Variants in SH3D19 observed in about 807,000 individuals in gnomAD.
SH3D19 encodes SH3 domain-containing protein 19.
Under a neutral mutation model 112.1 loss-of-function variants are expected in SH3D19, and 58 were observed. The ratio of observed to expected loss-of-function variants is 0.52; its 90% CI spans 0.42 to 0.64. SH3D19 has a LOEUF of 0.64. Ranked by LOEUF, SH3D19 falls within the 30% of genes least tolerant of loss-of-function variation. The pLI is 0.00. For synonymous variants in SH3D19, 391 were observed against 448.5 expected (o/e 0.87, Z 1.62); for missense variants, 1,090 against 1,263.4 (o/e 0.86, Z 2.08).
intron 1 of SH3D19, among the ~76,000 whole-genome samples, chr4:151,243,803 T>G (rs1770732381): frequency 6.6e-6 from 1 of 152,186 alleles, no homozygotes; most frequent in African/African-American, 2.4e-5. Flanking sequence ...AAATTGCTAT[T>G]CTTGGATATA....
Position 151,174,773 on chromosome 4 carries a change from G to C in SH3D19, c.1431C>G (p.Ser477Arg). 6.5e-7 allele frequency: 1 copy of C among 1,544,220 alleles called. No homozygotes were observed. The highest frequency in any genetic ancestry group is 8.7e-7 in the Non-Finnish European group (1 of 1,149,336). Residue 477 changes from serine (S) to arginine (R), a missense_variant, in exon 7 of 20, where the codon AGC becomes AGG. By Grantham distance (110) the Ser-to-Arg change is moderately radical. Transcript: ENST00000604030. Reference sequence around the variant, plus strand: ...TGAGATCGATGTCCACCAAGGGCTTGCTCTGCAGAACTGGAACTGGGGGGT... The same window carrying C: ...TGAGATCGATGTCCACCAAGGGCTTCCTCTGCAGAACTGGAACTGGGGGGT... ...PANPPVPVLQ[S>R]KPLVDIDLIS...
At chr4:151,144,157 G>A in intron 11 of SH3D19, 107 bp from the exon 12 acceptor site, 2 of 1,593,784 alleles carry the variant, frequency 1.3e-6, no homozygotes, top group South Asian at 1.1e-5. Context: ...ATGTGTAATG[G>A]TAGTAACAGA....
intron 1 of SH3D19, among the ~76,000 whole-genome samples, chr4:151,254,788 C>G (rs1283985740): frequency 6.6e-6 from 1 of 151,660 alleles, no homozygotes; most frequent in Non-Finnish European, 1.5e-5. Context: ...CCTTTCTATT[C>G]CACAAAGCCG....
chr4:151,134,104 C>G (rs1355377794), intron 15 of SH3D19, among the ~76,000 whole-genome samples: 3 of 152,180 alleles, frequency 2.0e-5, no homozygotes, highest in African/African-American at 7.2e-5. Flanking sequence ...ATTCAACCTG[C>G]TGAGACACAG....
chr4:151,264,508 G>C (rs1772625112), intron 1 of SH3D19, among the ~76,000 whole-genome samples: 1 of 150,984 alleles, frequency 6.6e-6, no homozygotes, highest in African/African-American at 2.4e-5. Context: ...TTAGTAGTAA[G>C]TCAACAAGGT....
intron 2 of SH3D19, among the ~76,000 whole-genome samples, chr4:151,218,399 T>A (rs754633727): frequency 6.6e-6 from 1 of 152,110 alleles, no homozygotes; most frequent in East Asian, 1.9e-4. Context: ...AAAAAAATTA[T>A]GAAACTATGC....
intron 1 of SH3D19, chr4:151,226,580 A>T: frequency 1.7e-6 from 1 of 588,340 alleles, no homozygotes; most frequent in Non-Finnish European, 2.1e-6. Flanking sequence ...CACCCAGAAC[A>T]TTTCAGAAGT....
chr4:151,204,489 T>C (rs1360803380), intron 2 of SH3D19, among the ~76,000 whole-genome samples: 2 of 152,244 alleles, frequency 1.3e-5, no homozygotes, highest in Admixed American at 6.5e-5. Flanking sequence ...ACATTTAGTA[T>C]AAACTACCTC....
chr4:151,190,310 G>A (rs987240428), intron 2 of SH3D19, among the ~76,000 whole-genome samples: 3 of 152,184 alleles, frequency 2.0e-5, no homozygotes, highest in South Asian at 2.1e-4. Context: ...ATTTGCTGAG[G>A]AGAAATTCAA....
chr4:151,202,384 T>C (rs903903930), intron 2 of SH3D19, among the ~76,000 whole-genome samples: 1 of 152,224 alleles, frequency 6.6e-6, no homozygotes, highest in African/African-American at 2.4e-5. Flanking sequence ...CATACATGAA[T>C]AGTAACATCT....
At chr4:151,129,147 T>G (rs572903270) in intron 17 of SH3D19, among the ~76,000 whole-genome samples, 2 of 152,336 alleles carry the variant, frequency 1.3e-5, no homozygotes, top group African/African-American at 4.8e-5. Context: ...CAGAGACAAT[T>G]AGAGTCCATA....
chr4:151,311,241 T>C (rs1160053379), intron 1 of SH3D19, among the ~76,000 whole-genome samples: 1 of 148,726 alleles, frequency 6.7e-6, no homozygotes, highest in Non-Finnish European at 1.5e-5. Context: ...ATTATTATAA[T>C]AATAATTAGC....
At chr4:151,323,917 A>G (rs12512464) in intron 1 of SH3D19, among the ~76,000 whole-genome samples, 19,604 of 152,188 alleles carry the variant, frequency 0.13, 1,338 homozygotes, top group South Asian at 0.22. Context: ...AAGGTGGCCT[A>G]CCCTGTTTAA....
At chr4:151,216,877 C>CTGTGTGTGTGTGTGTGTGTG (rs34575245) in intron 2 of SH3D19, among the ~76,000 whole-genome samples, 5 of 140,766 alleles carry the variant, frequency 3.6e-5, no homozygotes, top group African/African-American at 1.3e-4. Flanking sequence ...CAAAACAACA[C>CTGTGTGTGTGTGTGTGTGTG]TGTGTGTGTG....
intron 1 of SH3D19, among the ~76,000 whole-genome samples, chr4:151,242,124 A>C (rs1291143808): frequency 1.3e-5 from 2 of 151,938 alleles, no homozygotes; most frequent in East Asian, 3.9e-4. Context: ...TTGGGAGGTC[A>C]AGGCTCCAGT....
At chr4:151,266,821 C>T (rs561009508) in intron 1 of SH3D19, among the ~76,000 whole-genome samples, 41 of 152,292 alleles carry the variant, frequency 2.7e-4, no homozygotes, top group Middle Eastern at 6.8e-3. Flanking sequence ...TACTTTATGA[C>T]TCCTCTGTGT....
chr4:151,214,417 G>GGGCT (rs1421509179), intron 2 of SH3D19, among the ~76,000 whole-genome samples: 17 of 18,602 alleles, frequency 9.1e-4, no homozygotes, highest in East Asian at 8.3e-3. Context: ...GCCGGGCAGA[G>GGGCT]GCGCCCCTCA....
At position 151,310,164 on chromosome 4, in the gene SH3D19, A is replaced by T. The variant is rs191923988; in HGVS notation, c.112+15077T>A. On this transcript the variant is annotated intron_variant, in intron 1 of 19. Coordinates refer to ENST00000604030, the MANE Select transcript of SH3D19 (RefSeq NM_001378122.1). ...TGAGGCAGGAGGATAACTTGAGGCCAGGAGTTTGAGACCAGCCTGGTTAAC... is the reference window on the plus strand; with the variant it reads ...TGAGGCAGGAGGATAACTTGAGGCCTGGAGTTTGAGACCAGCCTGGTTAAC... Among the ~76,000 whole-genome samples the T allele has an allele frequency of 4.2e-3, 618 of 147,300 alleles. 4 individuals are homozygous for T. Among genetic ancestry groups the T allele is most frequent in the African/African-American group, 0.014 (539 of 39,850 alleles).
chr4:151,178,940 T>G (rs1300756443), intron 4 of SH3D19, among the ~76,000 whole-genome samples: 1 of 152,184 alleles, frequency 6.6e-6, no homozygotes, highest in Non-Finnish European at 1.5e-5. Context: ...CAAAAAGCCA[T>G]CCAGGCTTTA....
Sources: gnomAD v4.1 joint callset for allele counts (sites outside exome capture counted in the v4.1 genomes callset) on GRCh38, gnomAD v4.1.1 for gene constraint, MANE v1.5 for transcripts, NCBI Gene and HGNC (gene_info 2026-07-23, HGNC 2026-07-21) for gene names.